Variants in AKR1D1 observed in about 807,000 individuals in gnomAD.
AKR1D1 encodes delta(4)-3-ketosteroid 5-beta-reductase.
A neutral mutation model predicts 42.6 loss-of-function variants in AKR1D1; 32 were observed. The observed-to-expected ratio is 0.75, with a 90% CI of 0.57 to 1.01. The LOEUF is 1.01. Among genes scored for constraint, AKR1D1 ranks in the 50% least tolerant of loss-of-function variants. AKR1D1 has a pLI of 0.00. For synonymous variants in AKR1D1, 123 were observed against 135.5 expected (o/e 0.91, Z 0.64); for missense variants, 364 against 402.2 (o/e 0.91, Z 0.81).
chr7:138,113,697 AC>A lies in AKR1D1; in HGVS notation c.864del (p.Ser290LeufsTer7), dbSNP rs759908186. ...ERIKENFQIFDFSLTEEEMKD... is the reference protein window; with the variant it reads ...ERIKENFQIFXFSLTEEEMKD... Reference sequence around the variant, plus strand: ...TTATTTCCGTTATTTCAGATCTTTGACTTTTCTCTCACTGAAGAAGAAATGA... The same window carrying A: ...TTATTTCCGTTATTTCAGATCTTTGATTTTCTCTCACTGAAGAAGAAATGA... On this transcript the variant is annotated frameshift_variant, in exon 8 of 9. Coordinates refer to ENST00000242375, the MANE Select transcript of AKR1D1 (RefSeq NM_005989.4). LOFTEE classifies it high-confidence loss of function. The A allele has an allele frequency of 3.0e-5, 49 of 1,613,802 alleles. No homozygotes were observed. The highest frequency in any genetic ancestry group is 3.7e-5 in the Non-Finnish European group (44 of 1,179,826).
At chr7:138,090,293 G>GA (rs1794037976) in intron 2 of AKR1D1, among the ~76,000 whole-genome samples, 1 of 151,948 alleles carries the variant, frequency 6.6e-6, no homozygotes. Flanking sequence ...TCCAACAGAG[G>GA]AAAAAATCAG....
At chr7:138,100,001 C>T (rs2117448707) in intron 4 of AKR1D1, among the ~76,000 whole-genome samples, 1 of 140,122 alleles carries the variant, frequency 7.1e-6, no homozygotes, top group East Asian at 2.2e-4. Context: ...CCACTTGAGG[C>T]CAAGAGTTCA....
intron 1 of AKR1D1, among the ~76,000 whole-genome samples, chr7:138,087,041 T>C (rs1803196936): frequency 1.3e-5 from 2 of 152,352 alleles, no homozygotes; most frequent in East Asian, 3.9e-4. Flanking sequence ...TTACTCTATT[T>C]TGTGCTGCTG....
intron 1 of AKR1D1, among the ~76,000 whole-genome samples, chr7:138,085,602 G>A (rs1251652341): frequency 1.3e-5 from 2 of 151,744 alleles, no homozygotes; most frequent in South Asian, 2.1e-4. Context: ...CTACCACCAC[G>A]CCTGGCTACA....
intron 4 of AKR1D1, among the ~76,000 whole-genome samples, chr7:138,104,620 C>CAG (rs1794382985): frequency 1.4e-5 from 2 of 145,852 alleles, no homozygotes; most frequent in South Asian, 4.6e-4. Flanking sequence ...ACAGAGTTTG[C>CAG]AGTGAGCCGA....
At chr7:138,090,407 A>T (rs1012516888) in intron 2 of AKR1D1, among the ~76,000 whole-genome samples, 6 of 152,074 alleles carry the variant, frequency 3.9e-5, no homozygotes, top group Non-Finnish European at 8.8e-5. Context: ...AAGGCAGAGG[A>T]GGAAGGATCA....
intron 4 of AKR1D1, among the ~76,000 whole-genome samples, chr7:138,101,011 A>G (rs1794297893): frequency 6.6e-6 from 1 of 150,938 alleles, no homozygotes; most frequent in African/African-American, 2.4e-5. Context: ...GCCTATAGTC[A>G]GAGATTCTAT....
At chr7:138,089,155 C>G (rs1286152291) in intron 2 of AKR1D1, among the ~76,000 whole-genome samples, 7 of 151,924 alleles carry the variant, frequency 4.6e-5, no homozygotes, top group Non-Finnish European at 7.4e-5. Flanking sequence ...CAAGACCAAC[C>G]TGGGTAACAT....
At chr7:138,103,957 C>G (rs1167678321) in intron 4 of AKR1D1, among the ~76,000 whole-genome samples, 1 of 151,798 alleles carries the variant, frequency 6.6e-6, no homozygotes, top group African/African-American at 2.4e-5. Context: ...TAATGAGACC[C>G]CCCTCATCTC....
intron 1 of AKR1D1, among the ~76,000 whole-genome samples, chr7:138,087,550 C>T (rs1014910343): frequency 1.3e-5 from 2 of 152,176 alleles, no homozygotes; most frequent in East Asian, 3.8e-4. Context: ...ATATAACTGA[C>T]ATATAATAAA....
chr7:138,108,310 A>C (rs151086144), intron 7 of AKR1D1, among the ~76,000 whole-genome samples: 1 of 152,356 alleles, frequency 6.6e-6, no homozygotes, highest in East Asian at 1.9e-4. Flanking sequence ...GAAAAGTGCC[A>C]TACAAAATTA....
chr7:138,087,383 C>T (rs1157707299), intron 1 of AKR1D1, among the ~76,000 whole-genome samples: 1 of 152,108 alleles, frequency 6.6e-6, no homozygotes, highest in Non-Finnish European at 1.5e-5. Context: ...CAAACCATAG[C>T]AAATGAAAAA....
intron 1 of AKR1D1, among the ~76,000 whole-genome samples, chr7:138,083,401 G>A (rs976650326): frequency 1.3e-5 from 2 of 151,856 alleles, no homozygotes; most frequent in African/African-American, 4.8e-5. Context: ...TTTTCTTTGG[G>A]GTTTTTTGTT....
intron 7 of AKR1D1, among the ~76,000 whole-genome samples, chr7:138,110,474 T>G (rs1280067075): frequency 6.6e-6 from 1 of 152,056 alleles, no homozygotes; most frequent in African/African-American, 2.4e-5. Flanking sequence ...CAGTTTAGGC[T>G]GGGTGCGGTG....
intron 1 of AKR1D1, among the ~76,000 whole-genome samples, chr7:138,086,495 A>G (rs1044510619): frequency 6.6e-6 from 1 of 152,216 alleles, no homozygotes; most frequent in Non-Finnish European, 1.5e-5. Flanking sequence ...GAATCTTATA[A>G]TATCATCTAT....
intron 3 of AKR1D1, among the ~76,000 whole-genome samples, chr7:138,096,562 C>A (rs1794187636): frequency 6.6e-6 from 1 of 152,212 alleles, no homozygotes; most frequent in Non-Finnish European, 1.5e-5. Context: ...TTAGGGGGGA[C>A]ACATTTAAAC....
At chr7:138,100,961 C>G (rs1794296373) in intron 4 of AKR1D1, among the ~76,000 whole-genome samples, 1 of 151,954 alleles carries the variant, frequency 6.6e-6, no homozygotes, top group Admixed American at 6.6e-5. Context: ...TCCTCCGCCT[C>G]TCAAAGTGCT....
chr7:138,110,426 C>G (rs988919877), intron 7 of AKR1D1, among the ~76,000 whole-genome samples: 65 of 151,852 alleles, frequency 4.3e-4, no homozygotes, highest in African/African-American at 1.5e-3. Context: ...AAGCGAGATC[C>G]CATTGCTTTA....
intron 6 of AKR1D1, 90 bp downstream of exon 6, chr7:138,106,807 C>CCTGTGCAACCT: frequency 2.1e-6 from 2 of 931,464 alleles, no homozygotes; most frequent in Non-Finnish European, 3.5e-6. Flanking sequence ...TTTTGGTTTG[C>CCTGTGCAACCT]CTGTGCAACC....
Sources: allele counts gnomAD v4.1 joint callset (sites outside exome capture counted in the v4.1 genomes callset), GRCh38; gene constraint gnomAD v4.1.1; transcripts MANE v1.5; gene names NCBI Gene and HGNC (gene_info 2026-07-23, HGNC 2026-07-21).